TLE5: variants seen among roughly 807,000 people sequenced by gnomAD.
TLE5 encodes the protein TLE family member 5, transcriptional modulator, also known as TLE family member 5.
TLE5 carries 7 observed loss-of-function variants against 25.8 expected under a neutral mutation model. The observed-to-expected ratio is 0.27, with a 90% confidence interval of 0.15 to 0.51. The LOEUF (loss-of-function observed/expected upper bound fraction) is 0.51, where lower values mean the gene tolerates loss of function less well. TLE5 is among the 20% of genes least tolerant of loss of function. The pLI, the probability that TLE5 is intolerant of heterozygous loss-of-function variation, is 0.97. For missense variants in TLE5, 149 were observed against 250.7 expected, an observed-to-expected ratio of 0.59 and a Z score of 2.74; for synonymous variants, 132 against 110.5, an observed-to-expected ratio of 1.20 and a Z score of -1.22.
rs765530208 is a variant in TLE5, at chr19:3,054,203, G to C, written c.298-9C>G. On this transcript the variant is annotated splice_polypyrimidine_tract_variant and intron_variant, in intron 5 of 6. Transcript: ENST00000327141. ...AAGACCTGCTGCTGGTGCTGGAAGGGGGTCGGGGGAGAGGAGAGGCAGTGA... is the reference window on the plus strand; with the variant it reads ...AAGACCTGCTGCTGGTGCTGGAAGGCGGTCGGGGGAGAGGAGAGGCAGTGA... The C allele has an allele frequency of 6.2e-7, 1 of 1,608,172 alleles. No homozygotes were observed. Among genetic ancestry groups the C allele is most frequent in the South Asian group, 1.1e-5 (1 of 89,770 alleles).
At position 3,053,708 on chromosome 19, in the gene TLE5, G is replaced by C; in HGVS notation, c.*111C>G. The C allele has an allele frequency of 7.9e-7, 1 of 1,266,380 alleles. No homozygotes were observed. Among genetic ancestry groups the C allele is most frequent in the South Asian group, 1.4e-5 (1 of 69,462 alleles). The allele number at this position is 1,266,380 out of a possible 1,614,324, so 78.4% of individuals were successfully genotyped here. A position where few individuals can be genotyped will look rare whatever the true frequency, so the allele number is the denominator to read the frequency against. On this transcript the variant is annotated 3_prime_UTR_variant, in exon 7 of 7. Coordinates refer to ENST00000327141, the MANE Select transcript of TLE5 (RefSeq NM_001130.6). Reference sequence around the variant, plus strand: ...GCCGGCGGCCACCATAAATACTATGGGAGTTTAGCCAATCCCGAGCTCCGC... The same window carrying C: ...GCCGGCGGCCACCATAAATACTATGCGAGTTTAGCCAATCCCGAGCTCCGC...
intron 3 of TLE5, among the ~76,000 whole-genome samples, chr19:3,057,065 T>TC (rs1342837849): frequency 6.6e-6 from 1 of 151,996 alleles, no homozygotes; most frequent in East Asian, 1.9e-4. Flanking sequence ...TGGCTCTGCC[T>TC]CCCCCACAGT....
At chr19:3,060,068 C>T (rs1169643515) in intron 2 of TLE5, among the ~76,000 whole-genome samples, 1 of 152,106 alleles carries the variant, frequency 6.6e-6, no homozygotes, top group Non-Finnish European at 1.5e-5. Context: ...ATCCAGGATC[C>T]TTCCAGGAAC....
At chr19:3,059,390 T>C (rs75835661) in intron 2 of TLE5, among the ~76,000 whole-genome samples, 1 of 151,886 alleles carries the variant, frequency 6.6e-6, no homozygotes, top group Non-Finnish European at 1.5e-5. Context: ...GGTGTGGTGG[T>C]GCACGCCTGT....
chr19:3,056,658 G>A, intron 3 of TLE5: 1 of 604,288 alleles, frequency 1.7e-6, no homozygotes, highest in Admixed American at 2.2e-5. Context: ...TGCACCGCGA[G>A]AACACGCATT....
Position 3,053,974 on chromosome 19 carries a change from C to T in TLE5, c.439G>A (p.Val147Met), listed in dbSNP as rs375697013. 238 of 1,610,176 alleles carry T rather than the reference C, an allele frequency of 1.5e-4. No individual in the cohort carries two copies. The highest frequency in any genetic ancestry group is 1.9e-4 in the Non-Finnish European group (228 of 1,178,980). The change falls in exon 7 of 7, where the codon GTG (valine) becomes ATG (methionine). Residue 147 changes from valine to methionine, a missense_variant. By Grantham distance (21) the Val-to-Met change is conservative. Transcript: ENST00000327141. The part of the protein sequence containing the change: ...ALALPLTPLP[V>M]GLQPPSLPAV... Reference sequence around the variant, plus strand: ...GGCAGCGAAGGCGGCTGCAGCCCCACGGGTAGTGGGGTCAAGGGCAGGGCC... The same window carrying T: ...GGCAGCGAAGGCGGCTGCAGCCCCATGGGTAGTGGGGTCAAGGGCAGGGCC...
At position 3,062,353 on chromosome 19, in the gene TLE5, C is replaced by G. The variant is rs1300357334; in HGVS notation, c.-153G>C. The G allele has an allele frequency of 1.0e-6, 1 of 975,686 alleles. No individual in the cohort carries two copies. The highest frequency in any genetic ancestry group is 1.8e-5 in the African/African-American group (1 of 55,944). The allele number at this position is 975,686 out of a possible 1,614,324, so 60.4% of individuals were successfully genotyped here. On this transcript the variant is annotated 5_prime_UTR_variant, in exon 1 of 7. Transcript: ENST00000327141. ...CGCGCCCGGCCTCGCCCGCTTCCTG[C>G]GCCCCCTCCCCGCGCGCCCGGCCCC...
chr19:3,061,206 C>A lies in TLE5; in HGVS notation c.79G>T (p.Asp27Tyr). ...QLKFTTSDSCDRIKDEFQLLQ... is the reference protein window; with the variant it reads ...QLKFTTSDSCYRIKDEFQLLQ... The stretch of plus-strand genomic sequence containing the variant: ...AGCTGAAATTCGTCTTTGATGCGGT[C>A]GCAGGAGTCCGAGGTGGTGAATTTG... The change falls in exon 2 of 7, where the codon GAC (aspartate) becomes TAC (tyrosine). Residue 27 changes from aspartate to tyrosine, a missense_variant. Transcript: ENST00000327141. 2 of 1,613,782 alleles carry A rather than the reference C, an allele frequency of 1.2e-6. No homozygotes were observed. The highest frequency in any genetic ancestry group is 2.2e-5 in the South Asian group (2 of 91,036).
chr19:3,062,844 G>A (rs528707440), upstream of TLE5: 21 of 1,536,314 alleles, frequency 1.4e-5, no homozygotes, highest in African/African-American at 2.7e-4. Context: ...CTGGGCGGTG[G>A]TTCTTGCTGA....
At chr19:3,062,732 T>C (rs1475385091), upstream of TLE5, 1 of 1,538,248 alleles carries the variant, frequency 6.5e-7, no homozygotes, top group Non-Finnish European at 8.7e-7. Flanking sequence ...TTTCCCCATC[T>C]GTCAAAGAAA....
At position 3,055,679 on chromosome 19, in the gene TLE5, G is replaced by C; in HGVS notation, c.282C>G (p.Pro94=). 1.9e-6 allele frequency: 3 copies of C among 1,606,736 alleles called. No homozygotes were observed. The highest frequency in any genetic ancestry group is 2.5e-6 in the Non-Finnish European group (3 of 1,176,548). ...TGGCTCTTACCTCTTGGGAGAGGTAGGGCAGGACCTGGGCACAAATCCCGT... is the reference window on the plus strand; with the variant it reads ...TGGCTCTTACCTCTTGGGAGAGGTACGGCAGGACCTGGGCACAAATCCCGT... The part of the protein sequence containing the change: ...RLNGICAQVL[P]YLSQEHQQQV... The change falls in exon 5 of 7, where the codon CCC becomes CCG. Residue 94 remains proline, a synonymous_variant. Transcript: ENST00000327141.
chr19:3,055,650 G>A lies in TLE5; in HGVS notation c.297+14C>T, dbSNP rs3895650. ...GGCCCCCTCACAACCCCTCCCCAAG[G>A]CCCTGGCTCTTACCTCTTGGGAGAG... On this transcript the variant is annotated intron_variant, in intron 5 of 6. Coordinates refer to ENST00000327141, the MANE Select transcript of TLE5 (RefSeq NM_001130.6). The A allele has an allele frequency of 1.3e-5, 21 of 1,585,362 alleles. No individual in the cohort carries two copies. In the African/African-American group the frequency reaches 2.7e-4, roughly 21 times the overall value.
intron 5 of TLE5, 32 bp downstream of exon 5, chr19:3,055,632 T>G (rs780044004): frequency 6.4e-7 from 1 of 1,565,306 alleles, no homozygotes; most frequent in South Asian, 1.2e-5. Flanking sequence ...CGGGGCCCCC[T>G]CACAACCCCT....
At position 3,053,846 on chromosome 19, in the gene TLE5, C is replaced by T. The variant is rs2090194361; in HGVS notation, c.567G>A (p.Gln189=). Residue 189 remains glutamine, a synonymous_variant, in exon 7 of 7, where the codon CAG becomes CAA. Coordinates refer to ENST00000327141, the MANE Select transcript of TLE5 (RefSeq NM_001130.6). ...AATCCGACTTCTCGCCATCATCCTC[C>T]TGGTGGGTGTCACCATCGTGCCCGT... ...DKNGHDGDTH[Q]EDDGEKSD is the part of the protein sequence containing the mutation. 1 of 1,613,258 alleles carries T rather than the reference C, an allele frequency of 6.2e-7. No individual in the cohort carries two copies. Among genetic ancestry groups the T allele is most frequent in the African/African-American group, 1.3e-5 (1 of 74,950 alleles).
chr19:3,061,312 AG>A (rs1345760166), intron 1 of TLE5, 55 bp from the exon 2 acceptor site: 2 of 1,418,920 alleles, frequency 1.4e-6, no homozygotes, highest in East Asian at 4.6e-5. Context: ...ACCCCCCTCA[AG>A]GGCCGGCTAG....
At chr19:3,057,536 G>A (rs951565355) in intron 3 of TLE5, 143 bp downstream of exon 3, 24 of 782,306 alleles carry the variant, frequency 3.1e-5, no homozygotes, top group South Asian at 1.6e-4. Context: ...AGCAGGGGCC[G>A]GCTGAATGGA....
chr19:3,056,368 A>T lies in TLE5; in HGVS notation c.190-12T>A. On this transcript the variant is annotated splice_polypyrimidine_tract_variant and intron_variant, in intron 3 of 6. Coordinates refer to ENST00000327141, the MANE Select transcript of TLE5 (RefSeq NM_001130.6). The stretch of plus-strand genomic sequence containing the variant: ...GACATCTCGTAGTACTGTATGGGGG[A>T]GAGAGAGGGGGAGCGGGAGATGGGG... 1 of 862,156 alleles carries T rather than the reference A, an allele frequency of 1.2e-6. No homozygotes were observed. Among genetic ancestry groups the T allele is most frequent in the Non-Finnish European group, 1.5e-6 (1 of 649,020 alleles). The allele number at this position is 862,156 out of a possible 1,614,324, so 53.4% of individuals were successfully genotyped here. A position where few individuals can be genotyped will look rare whatever the true frequency, so the allele number is the denominator to read the frequency against.
chr19:3,054,048 G>A lies in TLE5; in HGVS notation c.373-8C>T, dbSNP rs753985447. 4 of 1,577,886 alleles carry A rather than the reference G, an allele frequency of 2.5e-6. No homozygotes were observed. The highest frequency in any genetic ancestry group is 1.3e-5 in the African/African-American group (1 of 74,412). On this transcript the variant is annotated splice_polypyrimidine_tract_variant and splice_region_variant and intron_variant, in intron 6 of 6. Transcript: ENST00000327141. ...GTGGGCTTGGAGCTGCTGCTGCAGG[G>A]CGGGGGAGGGGAACATTAGCTGCCT...
chr19:3,056,503 G>A (rs1025698273), intron 3 of TLE5, 147 bp from the exon 4 acceptor site: 1 of 598,266 alleles, frequency 1.7e-6, no homozygotes, highest in East Asian at 3.2e-5. Context: ...AGGAGAGGCA[G>A]GTGGGAGGGA....
Sources: allele counts gnomAD v4.1 joint callset (sites outside exome capture counted in the v4.1 genomes callset), GRCh38; gene constraint gnomAD v4.1.1; transcripts MANE v1.5; gene names NCBI Gene and HGNC (gene_info 2026-07-23, HGNC 2026-07-21).